Variants in FIG4 observed in about 807,000 individuals in gnomAD.
FIG4 encodes the protein FIG4 phosphoinositide 5-phosphatase, also known as polyphosphoinositide phosphatase.
FIG4 carries 112 observed loss-of-function variants against 118.6 expected under a neutral mutation model. The observed-to-expected ratio is 0.94, with a 90% CI of 0.81 to 1.11. The LOEUF is 1.11. Ranked by LOEUF, FIG4 falls within the 50% of genes least tolerant of loss-of-function variation. FIG4 has a pLI of 0.00. For missense variants in FIG4, 969 were observed against 1,111.7 expected (o/e 0.87, Z 1.83); for synonymous variants, 369 against 381.2 (o/e 0.97, Z 0.37).
rs1484143819 is a variant in FIG4 at position 109,738,314 on chromosome 6, T to C, written c.647-11T>C. ...TGTATTTATGGACTGATACAGACTT[T>C]TATTTTTCAGGGGTATTTGGGATCT... is the stretch of plus-strand genomic sequence containing the variant. On this transcript the variant is annotated splice_polypyrimidine_tract_variant and intron_variant, in intron 6 of 22. Transcript: ENST00000230124. The C allele has an allele frequency of 1.9e-6, 3 of 1,599,706 alleles. No individual in the cohort carries two copies. The highest frequency in any genetic ancestry group is 3.3e-5 in the Admixed American group (2 of 59,872).
At chr6:109,702,288 T>C (rs1235822856) in intron 1 of FIG4, among the ~76,000 whole-genome samples, 1 of 152,190 alleles carries the variant, frequency 6.6e-6, no homozygotes, top group Non-Finnish European at 1.5e-5. Context: ...ATGGATTACC[T>C]ATTGTATTCT....
chr6:109,694,920 A>T (rs943538275), intron 1 of FIG4, among the ~76,000 whole-genome samples: 1 of 152,230 alleles, frequency 6.6e-6, no homozygotes, highest in Admixed American at 6.5e-5. Flanking sequence ...GGCTATTTTC[A>T]AAAGGACAAA....
At chr6:109,812,666 C>G (rs948388162) in intron 22 of FIG4, among the ~76,000 whole-genome samples, 5 of 152,124 alleles carry the variant, frequency 3.3e-5, no homozygotes, top group African/African-American at 1.2e-4. Flanking sequence ...GAGAGTGTTT[C>G]TGTGGGTGGT....
chr6:109,738,474 G>A (rs1213709159), intron 7 of FIG4, 21 bp downstream of exon 7: 1 of 1,604,966 alleles, frequency 6.2e-7, no homozygotes, highest in African/African-American at 1.3e-5. Context: ...TGAAGAAAAA[G>A]TAAGATACAT....
intron 16 of FIG4, among the ~76,000 whole-genome samples, chr6:109,780,255 AG>A (rs771410887): frequency 3.3e-5 from 5 of 152,234 alleles, no homozygotes; most frequent in Non-Finnish European, 5.9e-5. Flanking sequence ...TCTGTCACCT[AG>A]GCTGGAGTGC....
At chr6:109,755,880 C>T (rs533277491) in intron 10 of FIG4, among the ~76,000 whole-genome samples, 1 of 152,182 alleles carries the variant, frequency 6.6e-6, no homozygotes, top group African/African-American at 2.4e-5. Context: ...TGGGTCTTTA[C>T]TCTTTATCCA....
chr6:109,785,956 G>T, intron 17 of FIG4: 1 of 316,204 alleles, frequency 3.2e-6, no homozygotes, highest in Non-Finnish European at 6.1e-6. Context: ...GGGAAACTTA[G>T]GGAAAAAGCT....
intron 1 of FIG4, among the ~76,000 whole-genome samples, chr6:109,712,914 T>C (rs553255433): frequency 2.0e-5 from 3 of 152,298 alleles, no homozygotes; most frequent in South Asian, 4.1e-4. Flanking sequence ...CTTTTTTTCT[T>C]TTATCCTATT....
At chr6:109,724,921 T>C (rs1042244543) in intron 3 of FIG4, among the ~76,000 whole-genome samples, 5 of 151,986 alleles carry the variant, frequency 3.3e-5, no homozygotes, top group African/African-American at 1.2e-4. Context: ...GTGTTAACTG[T>C]ATGCATCTTG....
chr6:109,821,082 G>A (rs575075126), intron 22 of FIG4, among the ~76,000 whole-genome samples: 27 of 152,310 alleles, frequency 1.8e-4, no homozygotes, highest in Non-Finnish European at 3.2e-4. Context: ...GGCTGAGGCC[G>A]TCTGGGCCAC....
intron 22 of FIG4, among the ~76,000 whole-genome samples, chr6:109,823,963 C>T (rs1232603318): frequency 1.3e-5 from 2 of 152,144 alleles, no homozygotes; most frequent in African/African-American, 4.8e-5. Context: ...CTTTTTGTGA[C>T]CTTCCTGGAC....
intron 3 of FIG4, 43 bp from the exon 4 acceptor site, chr6:109,727,066 C>T (rs373836555): frequency 7.2e-5 from 107 of 1,489,342 alleles, no homozygotes; most frequent in Non-Finnish European, 9.3e-5. Flanking sequence ...AAAGCCATTA[C>T]TAAGTTTATA....
intron 22 of FIG4, among the ~76,000 whole-genome samples, chr6:109,807,395 C>T (rs12182043): frequency 0.028 from 4,269 of 152,144 alleles, 212 homozygotes; most frequent in African/African-American, 0.096. Context: ...ATTTGTTGGC[C>T]GCATAAATGT....
intron 13 of FIG4, among the ~76,000 whole-genome samples, chr6:109,764,756 T>C (rs1265417884): frequency 6.6e-6 from 1 of 152,216 alleles, no homozygotes; most frequent in African/African-American, 2.4e-5. Context: ...ACAAAGTAAA[T>C]TCAAATATAG....
At chr6:109,755,152 G>T (rs1036864374) in intron 10 of FIG4, among the ~76,000 whole-genome samples, 16 of 152,104 alleles carry the variant, frequency 1.1e-4, no homozygotes, top group Non-Finnish European at 2.1e-4. Context: ...GTTCTCGTTG[G>T]TTTCAAAGAA....
At chr6:109,757,064 A>T (rs1776934035) in intron 10 of FIG4, among the ~76,000 whole-genome samples, 1 of 152,046 alleles carries the variant, frequency 6.6e-6, no homozygotes, top group African/African-American at 2.4e-5. Context: ...AGCTGTTCCT[A>T]TTCGGCCATC....
intron 10 of FIG4, among the ~76,000 whole-genome samples, chr6:109,745,260 A>G (rs551649524): frequency 1.8e-4 from 28 of 152,288 alleles, no homozygotes; most frequent in African/African-American, 6.7e-4. Context: ...TCCCACCAAC[A>G]GTGTAAAAGC....
intron 1 of FIG4, among the ~76,000 whole-genome samples, chr6:109,699,460 G>A (rs115519390): frequency 0.014 from 2,163 of 149,728 alleles, 54 homozygotes; most frequent in African/African-American, 0.051. Context: ...CTGCTCCTAG[G>A]CTTATTTTTT....
chr6:109,724,513 C>T (rs1229036063), intron 3 of FIG4, among the ~76,000 whole-genome samples: 1 of 152,198 alleles, frequency 6.6e-6, no homozygotes, highest in Non-Finnish European at 1.5e-5. Context: ...TTCTCTACAG[C>T]ACATATCTTT....
Sources: allele counts gnomAD v4.1 joint callset (sites outside exome capture counted in the v4.1 genomes callset), GRCh38; gene constraint gnomAD v4.1.1; transcripts MANE v1.5; gene names NCBI Gene and HGNC (gene_info 2026-07-23, HGNC 2026-07-21).